KALRN: variants seen among roughly 807,000 people sequenced by gnomAD.
KALRN encodes the protein kalirin.
Under a neutral mutation model 353.7 loss-of-function variants are expected in KALRN, and 70 were observed. That is an observed-to-expected ratio of 0.20 (90% CI 0.16 to 0.24). The LOEUF (loss-of-function observed/expected upper bound fraction) is 0.24. Among genes scored for constraint, KALRN ranks in the 10% least tolerant of loss-of-function variants. The pLI is 1.00. For synonymous variants in KALRN, 1,391 were observed against 1,434.8 expected (o/e 0.97, Z 0.69); for missense variants, 2,791 against 3,756.7 (o/e 0.74, Z 6.72).
chr3:124,288,861 G>A (rs891802772), intron 5 of KALRN, among the ~76,000 whole-genome samples: 3 of 152,130 alleles, frequency 2.0e-5, no homozygotes, highest in East Asian at 1.9e-4. Flanking sequence ...GGGATGACGC[G>A]AAGATGTGGG....
chr3:124,224,665 G>A (rs983194325), intron 1 of KALRN, among the ~76,000 whole-genome samples: 12 of 152,326 alleles, frequency 7.9e-5, no homozygotes, highest in African/African-American at 2.9e-4. Context: ...CTGCCCCTGA[G>A]TATCTGTAAA....
intron 7 of KALRN, among the ~76,000 whole-genome samples, chr3:124,328,025 C>T (rs765522555): frequency 6.6e-6 from 1 of 152,178 alleles, no homozygotes; most frequent in Non-Finnish European, 1.5e-5. Context: ...TAAGGTGCCT[C>T]GTGTGCTTAC....
intron 1 of KALRN, among the ~76,000 whole-genome samples, chr3:124,213,084 T>C (rs1364501162): frequency 2.6e-5 from 4 of 152,168 alleles, no homozygotes; most frequent in Admixed American, 2.6e-4. Context: ...TTCTGATTTC[T>C]TTAAATGCTT....
chr3:124,367,562 C>A (rs1180124438), intron 10 of KALRN, among the ~76,000 whole-genome samples: 1,021 of 63,548 alleles, frequency 0.016, 117 homozygotes, highest in African/African-American at 0.069. Flanking sequence ...GGCAGAGGGG[C>A]TCCTCACTTC....
chr3:124,067,107 A>C (rs1410576660), intron 1 of KALRN, among the ~76,000 whole-genome samples: 1 of 152,218 alleles, frequency 6.6e-6, no homozygotes. Flanking sequence ...TCCTTCAGAT[A>C]AGAAAACAGT....
intron 1 of KALRN, among the ~76,000 whole-genome samples, chr3:124,183,573 C>T (rs891968900): frequency 2.0e-5 from 3 of 152,156 alleles, no homozygotes; most frequent in Non-Finnish European, 4.4e-5. Context: ...GGACAAACAT[C>T]CAAACTATAT....
intron 37 of KALRN, among the ~76,000 whole-genome samples, chr3:124,647,177 C>T (rs115559265): frequency 0.011 from 1,735 of 152,208 alleles, 32 homozygotes; most frequent in African/African-American, 0.04. Flanking sequence ...AAACTGCTGG[C>T]ATTACAGGCG....
At chr3:124,376,734 C>T (rs544680294) in intron 10 of KALRN, among the ~76,000 whole-genome samples, 3 of 152,120 alleles carry the variant, frequency 2.0e-5, no homozygotes, top group Non-Finnish European at 4.4e-5. Flanking sequence ...AATGTGACAC[C>T]TTACTGCTGA....
chr3:124,288,004 G>A (rs2076102317), intron 5 of KALRN, among the ~76,000 whole-genome samples: 1 of 151,586 alleles, frequency 6.6e-6, no homozygotes, highest in South Asian at 2.1e-4. Context: ...CTCCCCAGCA[G>A]GTGGGACTAC....
chr3:124,417,924 T>C (rs907513261), intron 14 of KALRN, among the ~76,000 whole-genome samples: 10 of 152,244 alleles, frequency 6.6e-5, no homozygotes, highest in Non-Finnish European at 1.5e-4. Flanking sequence ...TTTGTATTCC[T>C]GTAGTTTTTC....
At chr3:124,539,133 A>T (rs1165204121) in intron 33 of KALRN, among the ~76,000 whole-genome samples, 1 of 152,204 alleles carries the variant, frequency 6.6e-6, no homozygotes, top group Non-Finnish European at 1.5e-5. Flanking sequence ...AGCCTGCCAG[A>T]TGAAGGGGAG....
intron 23 of KALRN, among the ~76,000 whole-genome samples, chr3:124,461,614 G>A (rs2059869555): frequency 6.6e-6 from 1 of 152,056 alleles, no homozygotes; most frequent in Non-Finnish European, 1.5e-5. Context: ...AGTATTAATA[G>A]TAGGACTGGG....
intron 34 of KALRN, among the ~76,000 whole-genome samples, chr3:124,626,925 C>G (rs761193323): frequency 6.6e-6 from 1 of 152,200 alleles, no homozygotes; most frequent in Non-Finnish European, 1.5e-5. Flanking sequence ...GTCTCATTTT[C>G]TGTTTCCTAA....
chr3:124,368,108 C>T (rs1473966739), intron 10 of KALRN, among the ~76,000 whole-genome samples: 1 of 70,970 alleles, frequency 1.4e-5, no homozygotes, highest in African/African-American at 5.8e-5. Context: ...CCCCACCTCC[C>T]TCCCGGACGG....
At chr3:124,408,729 G>A (rs62264193) in intron 13 of KALRN, among the ~76,000 whole-genome samples, 1 of 150,486 alleles carries the variant, frequency 6.6e-6, no homozygotes, top group Middle Eastern at 3.2e-3. Context: ...AAAAAAAAGG[G>A]AGGGGCAGGT....
chr3:124,201,224 A>G (rs1021419456), intron 1 of KALRN, among the ~76,000 whole-genome samples: 4 of 152,220 alleles, frequency 2.6e-5, no homozygotes, highest in African/African-American at 9.6e-5. Context: ...ACTTAAGACA[A>G]ATAAGCACCT....
chr3:124,519,727 T>C, intron 33 of KALRN: 1 of 985,440 alleles, frequency 1.0e-6, no homozygotes, highest in Non-Finnish European at 1.2e-6. Flanking sequence ...AGGACTGTCT[T>C]TGTACTTGAA....
intron 25 of KALRN, among the ~76,000 whole-genome samples, chr3:124,464,574 G>A (rs1030224446): frequency 1.3e-5 from 2 of 151,954 alleles, no homozygotes; most frequent in African/African-American, 4.8e-5. Flanking sequence ...CAAGAACACA[G>A]CTACCCAGCA....
chr3:124,562,692 TA>T, intron 33 of KALRN, 150 bp from the exon 34 acceptor site: 1 of 622,328 alleles, frequency 1.6e-6, no homozygotes, highest in Non-Finnish European at 2.4e-6. Context: ...CTCTCTGCCC[TA>T]AACACCATTT....
Sources: gnomAD v4.1 joint callset for allele counts (sites outside exome capture counted in the v4.1 genomes callset) on GRCh38, gnomAD v4.1.1 for gene constraint, MANE v1.5 for transcripts, NCBI Gene and HGNC (gene_info 2026-07-23, HGNC 2026-07-21) for gene names.